CPPED1: variants seen among roughly 807,000 people sequenced by gnomAD.
CPPED1 encodes the protein calcineurin like phosphoesterase domain containing 1.
In CPPED1, 28 loss-of-function variants were observed where a neutral mutation model predicts 28.0. The ratio of observed to expected loss-of-function variants is 1.00; its 90% confidence interval spans 0.74 to 1.37. The LOEUF (loss-of-function observed/expected upper bound fraction) is 1.37, where lower values mean the gene tolerates loss of function less well. CPPED1 is among the 40% of genes most tolerant of loss of function. CPPED1 has a pLI of 0.00. For synonymous variants in CPPED1, 198 were observed against 180.2 expected (o/e 1.10, Z -0.79); for missense variants, 504 against 416.5 (o/e 1.21, Z -1.83).
intron 2 of CPPED1, among the ~76,000 whole-genome samples, chr16:12,710,621 G>A (rs1006601870): frequency 6.6e-6 from 1 of 152,096 alleles, no homozygotes; most frequent in Non-Finnish European, 1.5e-5. Flanking sequence ...AGAGTATATG[G>A]AGAACTCCTA....
intron 3 of CPPED1, among the ~76,000 whole-genome samples, chr16:12,677,087 C>T (rs760728801): frequency 2.0e-5 from 3 of 152,144 alleles, no homozygotes; most frequent in Non-Finnish European, 4.4e-5. Flanking sequence ...GCAGCAGGCA[C>T]CAAACGTAAA....
intron 2 of CPPED1, among the ~76,000 whole-genome samples, chr16:12,729,078 A>C (rs2080184502): frequency 6.6e-6 from 1 of 152,126 alleles, no homozygotes; most frequent in Admixed American, 6.6e-5. Flanking sequence ...TCTGCCTGTC[A>C]CCATCTCTGT....
intron 2 of CPPED1, chr16:12,753,840 C>G (rs572830068): frequency 1.3e-5 from 2 of 152,264 alleles, no homozygotes; most frequent in East Asian, 3.9e-4. Context: ...CTGAGGTTAT[C>G]CAATCCTATC....
intron 1 of CPPED1, among the ~76,000 whole-genome samples, chr16:12,794,419 G>GA (rs962752822): frequency 1.0e-3 from 146 of 143,444 alleles, no homozygotes; most frequent in African/African-American, 2.5e-3. Context: ...GTTGTTAAAG[G>GA]AAAAAAAAAA....
intron 2 of CPPED1, among the ~76,000 whole-genome samples, chr16:12,729,144 A>G (rs1596462589): frequency 6.6e-6 from 1 of 152,076 alleles, no homozygotes; most frequent in Non-Finnish European, 1.5e-5. Flanking sequence ...AGTCCAGCAT[A>G]TATCATTAGT....
intron 1 of CPPED1, among the ~76,000 whole-genome samples, chr16:12,785,374 C>T (rs903682471): frequency 2.0e-5 from 3 of 151,808 alleles, no homozygotes; most frequent in Non-Finnish European, 2.9e-5. Context: ...CTCAGCCTCC[C>T]AAAGTGCTGG....
At chr16:12,799,199 C>T (rs2141248297) in intron 1 of CPPED1, among the ~76,000 whole-genome samples, 1 of 151,830 alleles carries the variant, frequency 6.6e-6, no homozygotes, top group East Asian at 1.9e-4. Flanking sequence ...GTTAATCAAA[C>T]CCCTTTGATG....
chr16:12,690,313 A>G (rs1453428171), intron 3 of CPPED1, among the ~76,000 whole-genome samples: 1 of 152,016 alleles, frequency 6.6e-6, no homozygotes, highest in Non-Finnish European at 1.5e-5. Flanking sequence ...GGAGTTCTCC[A>G]GACCAACTTG....
chr16:12,783,654 C>T (rs16960659), intron 1 of CPPED1, among the ~76,000 whole-genome samples: 18,313 of 152,112 alleles, frequency 0.12, 1,266 homozygotes, highest in African/African-American at 0.18. Context: ...ACACTGAGCT[C>T]ACTATCACCT....
At chr16:12,704,556 G>C (rs1596453029) in intron 3 of CPPED1, 68 bp downstream of exon 3, 1 of 1,477,338 alleles carries the variant, frequency 6.8e-7, no homozygotes, top group East Asian at 2.3e-5. Flanking sequence ...AGAGACGGGA[G>C]AAAGATCTGG....
chr16:12,801,836 C>A (rs993269296), intron 1 of CPPED1, among the ~76,000 whole-genome samples: 2 of 151,918 alleles, frequency 1.3e-5, no homozygotes, highest in Non-Finnish European at 2.9e-5. Context: ...AGTGTGGTAA[C>A]CCAAGGTTAG....
At chr16:12,744,049 G>A (rs985766760) in intron 2 of CPPED1, among the ~76,000 whole-genome samples, 4 of 152,124 alleles carry the variant, frequency 2.6e-5, no homozygotes, top group Non-Finnish European at 4.4e-5. Context: ...GGCTGAGGCG[G>A]GTGGATCACG....
intron 2 of CPPED1, among the ~76,000 whole-genome samples, chr16:12,747,072 A>G (rs897828548): frequency 6.8e-6 from 1 of 146,462 alleles, no homozygotes; most frequent in African/African-American, 2.5e-5. Flanking sequence ...AAAAAAAATT[A>G]AAAAAAAAAA....
chr16:12,736,897 C>A (rs529432314), intron 2 of CPPED1, among the ~76,000 whole-genome samples: 1 of 152,158 alleles, frequency 6.6e-6, no homozygotes, highest in African/African-American at 2.4e-5. Flanking sequence ...ACTCTAAAAT[C>A]AGAGATCATC....
chr16:12,788,362 T>C (rs1288086338), intron 1 of CPPED1, among the ~76,000 whole-genome samples: 1 of 152,156 alleles, frequency 6.6e-6, no homozygotes, highest in Non-Finnish European at 1.5e-5. Flanking sequence ...ATACTTAACT[T>C]ATCTCAGTTA....
intron 2 of CPPED1, among the ~76,000 whole-genome samples, chr16:12,733,298 A>C (rs2080209056): frequency 6.9e-6 from 1 of 144,364 alleles, no homozygotes; most frequent in African/African-American, 2.6e-5. Context: ...TTTTTGAGAC[A>C]GAGTCTTGTA....
chr16:12,787,970 T>G (rs1261356698), intron 1 of CPPED1, among the ~76,000 whole-genome samples: 1 of 152,190 alleles, frequency 6.6e-6, no homozygotes, highest in African/African-American at 2.4e-5. Context: ...CTCACTTACA[T>G]AGTGGTTAGT....
chr16:12,663,721 A>T lies in CPPED1; in HGVS notation c.*1165T>A, dbSNP rs575425445. 1 of 152,290 alleles carries T rather than the reference A, an allele frequency of 6.6e-6. No individual in the cohort carries two copies. Among genetic ancestry groups the T allele is most frequent in the Non-Finnish European group, 1.5e-5 (1 of 68,024 alleles). The allele number at this position is 152,290 out of a possible 1,614,324, so 9.4% of individuals were successfully genotyped here. ...AACCAGCTTTGGAAATCATTTTAGG[A>T]TTACTGAGTGCTGTTTCATAATGCT... On this transcript the variant is annotated 3_prime_UTR_variant, in exon 4 of 4. Coordinates refer to ENST00000381774, the MANE Select transcript of CPPED1 (RefSeq NM_018340.3).
At chr16:12,695,421 T>TAA (rs1478608765) in intron 3 of CPPED1, among the ~76,000 whole-genome samples, 1 of 138,614 alleles carries the variant, frequency 7.2e-6, no homozygotes, top group Non-Finnish European at 1.5e-5. Context: ...CATACTATTA[T>TAA]GCCTGGTTAG....
Sources: gnomAD v4.1 joint callset for allele counts (sites outside exome capture counted in the v4.1 genomes callset) on GRCh38, gnomAD v4.1.1 for gene constraint, MANE v1.5 for transcripts, NCBI Gene and HGNC (gene_info 2026-07-23, HGNC 2026-07-21) for gene names.